CFTR: variants seen among roughly 807,000 people sequenced by gnomAD.
CFTR encodes the protein cystic fibrosis transmembrane conductance regulator.
CFTR carries 181 observed loss-of-function variants against 171.6 expected under a neutral mutation model. The ratio of observed to expected loss-of-function variants is 1.05; its 90% CI spans 0.93 to 1.19. The LOEUF (loss-of-function observed/expected upper bound fraction) is 1.19, where lower values mean the gene tolerates loss of function less well. CFTR is among the 50% of genes most tolerant of loss of function. CFTR has a pLI of 0.00. For synonymous variants in CFTR, 583 were observed against 608.0 expected, an observed-to-expected ratio of 0.96 and a Z score of 0.60; for missense variants, 1,968 against 1,734.7, an observed-to-expected ratio of 1.13 and a Z score of -2.39.
At chr7:117,566,295 C>A (rs191201324) in intron 11 of CFTR, among the ~76,000 whole-genome samples, 1 of 143,698 alleles carries the variant, frequency 7.0e-6, no homozygotes, top group Non-Finnish European at 1.5e-5. Flanking sequence ...ACTAGCCAGG[C>A]GTGGTGGTGC....
rs4148713 is a variant in CFTR, at chr7:117,595,164, T to A, written c.2619+106T>A. The A allele has an allele frequency of 0.12, 100,341 of 835,138 alleles. 10,280 individuals are homozygous for A. Among genetic ancestry groups the A allele is most frequent in the East Asian group, 0.4 (15,428 of 38,416 alleles). The allele number at this position is 835,138 out of a possible 1,614,324, so 51.7% of individuals were successfully genotyped here. A position where few individuals can be genotyped will look rare whatever the true frequency, so the allele number is the denominator to read the frequency against. On this transcript the variant is annotated intron_variant, in intron 15 of 26. Coordinates refer to ENST00000003084, the MANE Select transcript of CFTR (RefSeq NM_000492.4). ...ACACATAAATATGTATATATACACATGTATACATGTATAAGTATGCATATA... is the reference window on the plus strand; with the variant it reads ...ACACATAAATATGTATATATACACAAGTATACATGTATAAGTATGCATATA...
chr7:117,574,943 T>C (rs1791749997), intron 11 of CFTR, among the ~76,000 whole-genome samples: 1 of 152,178 alleles, frequency 6.6e-6, no homozygotes, highest in African/African-American at 2.4e-5. Context: ...TATTTCATTC[T>C]TTTTTCATTG....
intron 2 of CFTR, among the ~76,000 whole-genome samples, chr7:117,506,238 TTTG>T (rs1407127978): frequency 3.9e-5 from 6 of 151,956 alleles, no homozygotes; most frequent in Middle Eastern, 3.2e-3. Flanking sequence ...TATCTAAATG[TTTG>T]TTGTTGTTGT....
intron 10 of CFTR, among the ~76,000 whole-genome samples, chr7:117,552,838 A>G (rs1455220067): frequency 6.6e-6 from 1 of 152,152 alleles, no homozygotes; most frequent in Non-Finnish European, 1.5e-5. Flanking sequence ...GGACTTGCAC[A>G]TATGTTCAGA....
In CFTR at chr7:117,614,796, T is replaced by C. The variant is rs1792459981; in HGVS notation, c.3468+83T>C. The C allele has an allele frequency of 1.6e-5, 13 of 831,582 alleles. No homozygotes were observed. The South Asian group carries it at 1.8e-4, about 11-fold the overall frequency. The allele number at this position is 831,582 out of a possible 1,614,324, so 51.5% of individuals were successfully genotyped here. ...TGAGTAATAGCATGAGGAAGAACTA[T>C]ATACCGTATATTGAGCTTAAGAAAT... On this transcript the variant is annotated intron_variant, in intron 21 of 26. Transcript: ENST00000003084.
intron 23 of CFTR, among the ~76,000 whole-genome samples, chr7:117,648,705 A>G (rs1477955055): frequency 6.6e-6 from 1 of 152,128 alleles, no homozygotes; most frequent in Non-Finnish European, 1.5e-5. Flanking sequence ...AGAGAAAAGG[A>G]CTTGGGTGAC....
intron 3 of CFTR, among the ~76,000 whole-genome samples, chr7:117,529,697 G>A (rs998589993): frequency 5.9e-5 from 9 of 151,984 alleles, no homozygotes; most frequent in African/African-American, 2.2e-4. Context: ...TAGAAAGCAT[G>A]GTCATCTATT....
intron 11 of CFTR, among the ~76,000 whole-genome samples, chr7:117,578,201 G>C (rs183942037): frequency 6.7e-6 from 1 of 149,376 alleles, no homozygotes. Flanking sequence ...TTTTTTTTCC[G>C]TTTCTGACAC....
chr7:117,563,624 G>T (rs1216973745), intron 11 of CFTR, among the ~76,000 whole-genome samples: 1 of 152,132 alleles, frequency 6.6e-6, no homozygotes, highest in East Asian at 1.9e-4. Context: ...GAATGCAGAG[G>T]TGGATTACTT....
chr7:117,652,616 G>T (rs1793104737), intron 23 of CFTR, among the ~76,000 whole-genome samples: 1 of 151,986 alleles, frequency 6.6e-6, no homozygotes, highest in Non-Finnish European at 1.5e-5. Flanking sequence ...TTAGAAAAAT[G>T]TTCACAAGGG....
At chr7:117,512,633 C>CAAAA (rs5886861) in intron 3 of CFTR, among the ~76,000 whole-genome samples, 6 of 68,898 alleles carry the variant, frequency 8.7e-5, no homozygotes, top group African/African-American at 2.8e-4. Flanking sequence ...GACTCCATCT[C>CAAAA]AAAAAAAAAA....
Position 117,480,081 on chromosome 7 carries a change from GCGCCCGAGAGACCATGCAGAGGT to G in CFTR, c.-9_14del, listed in dbSNP as rs397508136. ...CCAGACGGCCCTAGCAGGGACCCCA[GCGCCCGAGAGACCATGCAGAGGT>G]CGCCTCTGGAAAAGGCCAGCGTTGT... On this transcript the variant is annotated start_lost and 5_prime_UTR_variant, in exon 1 of 27. Coordinates refer to ENST00000003084, the MANE Select transcript of CFTR (RefSeq NM_000492.4). 3 of 1,613,774 alleles carry G rather than the reference GCGCCCGAGAGACCATGCAGAGGT, an allele frequency of 1.9e-6. No homozygotes were observed. Among genetic ancestry groups the G allele is most frequent in the Non-Finnish European group, 2.5e-6 (3 of 1,179,938 alleles).
chr7:117,582,859 C>T (rs1791868751), intron 11 of CFTR, among the ~76,000 whole-genome samples: 1 of 152,264 alleles, frequency 6.6e-6, no homozygotes, highest in African/African-American at 2.4e-5. Flanking sequence ...AAAAGGAGGG[C>T]TGTTTCTGGT....
intron 11 of CFTR, among the ~76,000 whole-genome samples, chr7:117,569,871 TACAA>T (rs1435338162): frequency 1.3e-5 from 2 of 152,186 alleles, no homozygotes; most frequent in African/African-American, 2.4e-5. Flanking sequence ...AGCATCATTC[TACAA>T]ACAGAGGGCA....
chr7:117,597,494 A>G (rs1249073959), intron 15 of CFTR, among the ~76,000 whole-genome samples: 1 of 152,232 alleles, frequency 6.6e-6, no homozygotes, highest in African/African-American at 2.4e-5. Flanking sequence ...ACTATAGCAG[A>G]TGAGCTAAAG....
At chr7:117,524,385 T>C (rs213938) in intron 3 of CFTR, among the ~76,000 whole-genome samples, 45,344 of 146,460 alleles carry the variant, frequency 0.31, 9,193 homozygotes, top group African/African-American at 0.59. Context: ...ACAAACCCAC[T>C]AGTCATGAAA....
intron 4 of CFTR, among the ~76,000 whole-genome samples, chr7:117,533,069 C>T (rs1798888640): frequency 6.6e-6 from 1 of 152,128 alleles, no homozygotes; most frequent in Non-Finnish European, 1.5e-5. Context: ...TTTGCCTATA[C>T]TTTTCAAGAA....
At chr7:117,546,985 C>T (rs1354155203) in intron 9 of CFTR, among the ~76,000 whole-genome samples, 1 of 152,114 alleles carries the variant, frequency 6.6e-6, no homozygotes, top group Non-Finnish European at 1.5e-5. Flanking sequence ...TAGCACCAAG[C>T]TCATTGCAAT....
chr7:117,615,519 C>G lies in CFTR; in HGVS notation c.3468+806C>G, dbSNP rs529400341. 1.6e-4 allele frequency among the ~76,000 whole-genome samples: 24 copies of G among 151,826 alleles called. No homozygotes were observed. The East Asian group carries it at 4.3e-3, about 27-fold the overall frequency. On this transcript the variant is annotated intron_variant, in intron 21 of 26. Coordinates refer to ENST00000003084, the MANE Select transcript of CFTR (RefSeq NM_000492.4). ...TTTTTTTCACATTATTTAGTGATAG[C>G]ACCTTTCTTATTCCTAAAGTGTTTA...
Sources: gnomAD v4.1 joint callset for allele counts (sites outside exome capture counted in the v4.1 genomes callset) on GRCh38, gnomAD v4.1.1 for gene constraint, MANE v1.5 for transcripts, NCBI Gene and HGNC (gene_info 2026-07-23, HGNC 2026-07-21) for gene names.